Variants in TMEM132C observed in about 807,000 individuals in gnomAD.
TMEM132C encodes the protein protein phosphatase 1, regulatory subunit 152.
A neutral mutation model predicts 61.4 loss-of-function variants in TMEM132C; 29 were observed. That is an observed-to-expected ratio of 0.47 (90% CI 0.35 to 0.64). TMEM132C has a LOEUF of 0.64. TMEM132C is among the 30% of genes least tolerant of loss of function. The pLI is 0.00. For synonymous variants in TMEM132C, 656 were observed against 633.1 expected (o/e 1.04, Z -0.54); for missense variants, 1,408 against 1,476.9 (o/e 0.95, Z 0.76).
Position 128,518,969 on chromosome 12 carries a change from A to G in TMEM132C, c.975-24988A>G, listed in dbSNP as rs181393516. On this transcript the variant is annotated intron_variant, in intron 2 of 8. Transcript: ENST00000435159. ...TGTTAAATGTGTATTAAATGTGTCA[A>G]TATATTTACAGAACTTAGAAGGGTA... Among the ~76,000 whole-genome samples the G allele has an allele frequency of 5.0e-3, 769 of 152,326 alleles. 6 individuals carry two copies. The highest frequency in any genetic ancestry group is 0.018 in the African/African-American group (746 of 41,556).
intron 1 of TMEM132C, among the ~76,000 whole-genome samples, chr12:128,293,140 A>G (rs915533382): frequency 2.0e-5 from 3 of 152,148 alleles, no homozygotes; most frequent in Admixed American, 2.0e-4. Flanking sequence ...CAGTGAGGAC[A>G]GAGGATCCTC....
At position 128,415,483 on chromosome 12, in the gene TMEM132C, C is replaced by A; in HGVS notation, c.837C>A (p.Asp279Glu). The A allele has an allele frequency of 1.3e-6, 2 of 1,551,616 alleles. No homozygotes were observed. The highest frequency in any genetic ancestry group is 1.7e-6 in the Non-Finnish European group (2 of 1,146,994). The change falls in exon 2 of 9, where the codon GAC becomes GAA. Residue 279 changes from aspartate to glutamate, a missense_variant. Transcript: ENST00000435159. This position sits in a 1 kb window ranked among gnomAD's most constrained non-coding sequence, Gnocchi z 5.8. ...IGTVGLYRAQ[D>E]SAQLSELRLD... ...CCGTCGGCCTTTACCGGGCCCAGGACAGCGCCCAGCTCAGCGAGCTGCGTT... is the reference window on the plus strand; with the variant it reads ...CCGTCGGCCTTTACCGGGCCCAGGAAAGCGCCCAGCTCAGCGAGCTGCGTT...
In TMEM132C at chr12:128,705,157, C is replaced by G. The variant is rs12426596; in HGVS notation, c.2189C>G (p.Thr730Ser). 44,337 of 1,551,534 alleles carry G rather than the reference C, an allele frequency of 0.029. 1,217 individuals carry two copies. The highest frequency in any genetic ancestry group is 0.1 in the South Asian group (8,594 of 84,034). The change falls in exon 9 of 9, where the codon ACC becomes AGC. Residue 730 changes from threonine (T) to serine (S), a missense_variant. Transcript: ENST00000435159. ...GSVTPLDIYD[T>S]KDFSLAATSQ... is the part of the protein sequence containing the mutation. ...GTGACGCCCCTGGACATCTACGACA[C>G]CAAGGACTTCTCCCTGGCAGCCACC...
At chr12:128,594,907 A>G (rs1875892378) in intron 3 of TMEM132C, among the ~76,000 whole-genome samples, 1 of 152,228 alleles carries the variant, frequency 6.6e-6, no homozygotes, top group African/African-American at 2.4e-5. Context: ...TTGCTTCAGT[A>G]GAACAGCTAC....
intron 4 of TMEM132C, among the ~76,000 whole-genome samples, chr12:128,663,652 G>A (rs906069527): frequency 6.6e-6 from 1 of 152,168 alleles, no homozygotes; most frequent in Non-Finnish European, 1.5e-5. Flanking sequence ...ATTTACTTCT[G>A]GAATGACTTC....
chr12:128,515,888 C>T (rs868438189), intron 2 of TMEM132C, among the ~76,000 whole-genome samples: 1 of 151,634 alleles, frequency 6.6e-6, no homozygotes, highest in East Asian at 1.9e-4. Flanking sequence ...TACAGCCCAA[C>T]GTGTGTGTTA....
Position 128,478,791 on chromosome 12 carries a change from T to C in TMEM132C, c.974+63171T>C, listed in dbSNP as rs139206344. Among the ~76,000 whole-genome samples the C allele has an allele frequency of 3.6e-3, 544 of 152,322 alleles. 2 individuals are homozygous for C. The highest frequency in any genetic ancestry group is 0.013 in the African/African-American group (523 of 41,568). On this transcript the variant is annotated intron_variant, in intron 2 of 8. Coordinates refer to ENST00000435159, the MANE Select transcript of TMEM132C (RefSeq NM_001136103.3). ...TCAGACGCATCTGCTCATTTAATCCTGTCTATCCAGCACTCAACGACTTAT... is the reference window on the plus strand; with the variant it reads ...TCAGACGCATCTGCTCATTTAATCCCGTCTATCCAGCACTCAACGACTTAT...
At chr12:128,642,000 G>C (rs1233269819) in intron 4 of TMEM132C, among the ~76,000 whole-genome samples, 1 of 150,190 alleles carries the variant, frequency 6.7e-6, no homozygotes, top group Non-Finnish European at 1.5e-5. Context: ...GTAGAGATGG[G>C]GTTTCACCAT....
chr12:128,486,806 A>G (rs566739114), intron 2 of TMEM132C, among the ~76,000 whole-genome samples: 2 of 151,762 alleles, frequency 1.3e-5, no homozygotes, highest in Non-Finnish European at 2.9e-5. Context: ...GAGAATTTGC[A>G]ACAGCTGCGG....
At chr12:128,594,458 C>CATAT (rs1412498792) in intron 3 of TMEM132C, among the ~76,000 whole-genome samples, 1 of 150,288 alleles carries the variant, frequency 6.7e-6, no homozygotes, top group Non-Finnish European at 1.5e-5. Flanking sequence ...AACTGCCTTG[C>CATAT]ATATTGCAGG....
At chr12:128,606,684 C>T (rs1876439011) in intron 3 of TMEM132C, among the ~76,000 whole-genome samples, 1 of 152,164 alleles carries the variant, frequency 6.6e-6, no homozygotes, top group South Asian at 2.1e-4. Flanking sequence ...AGTGCAATCA[C>T]TTGCTTTCTA....
intron 2 of TMEM132C, among the ~76,000 whole-genome samples, chr12:128,433,864 A>G (rs1333636587): frequency 1.3e-5 from 2 of 152,250 alleles, no homozygotes; most frequent in Admixed American, 1.3e-4. Flanking sequence ...TAGCCCCCAC[A>G]CAATCCCCTA....
chr12:128,363,642 C>T (rs946429258), intron 1 of TMEM132C, among the ~76,000 whole-genome samples: 15 of 152,042 alleles, frequency 9.9e-5, no homozygotes, highest in Admixed American at 4.6e-4. Context: ...GTCAAGAGTT[C>T]GAGACCAGGC....
intron 2 of TMEM132C, among the ~76,000 whole-genome samples, chr12:128,513,706 G>A (rs1330976056): frequency 6.6e-6 from 1 of 152,166 alleles, no homozygotes; most frequent in Non-Finnish European, 1.5e-5. Context: ...TGAGATGTAG[G>A]CACTAGAGAG....
intron 2 of TMEM132C, among the ~76,000 whole-genome samples, chr12:128,427,414 G>A (rs1186801752): frequency 1.1e-5 from 1 of 87,176 alleles, no homozygotes; most frequent in Non-Finnish European, 2.9e-5. Flanking sequence ...GTGTGTGTGT[G>A]TGTGTGTGTG....
intron 5 of TMEM132C, among the ~76,000 whole-genome samples, chr12:128,671,585 T>C (rs1954532793): frequency 6.6e-6 from 1 of 152,148 alleles, no homozygotes; most frequent in Non-Finnish European, 1.5e-5. Context: ...AAGAGAAGTT[T>C]ACAAACTGTT....
In TMEM132C at chr12:128,623,768, A is replaced by G. The variant is rs144666405; in HGVS notation, c.1305+7433A>G. The stretch of plus-strand genomic sequence containing the variant: ...GGTTGCAGTGAGCTGAGATTGCCAC[A>G]CTGCACTCCAGCCTTGGCGACAGAG... On this transcript the variant is annotated intron_variant, in intron 4 of 8. Coordinates refer to ENST00000435159, the MANE Select transcript of TMEM132C (RefSeq NM_001136103.3). 3.9e-3 allele frequency among the ~76,000 whole-genome samples: 576 copies of G among 146,386 alleles called. 8 individuals carry two copies. The highest frequency in any genetic ancestry group is 0.015 in the African/African-American group (550 of 35,994).
In TMEM132C at chr12:128,294,443, G is replaced by T. The variant is rs138348550; in HGVS notation, c.85+26956G>T. ...TCCTCTCCCTCTCTAATTCTGGAAA[G>T]AGTAGAAAATGCAAGCCATTGGAGA... On this transcript the variant is annotated intron_variant, in intron 1 of 8. Transcript: ENST00000435159. Among the ~76,000 whole-genome samples, 385 of 152,290 alleles carry T rather than the reference G, an allele frequency of 2.5e-3. 3 individuals carry two copies. The highest frequency in any genetic ancestry group is 8.4e-3 in the African/African-American group (349 of 41,570).
Position 128,278,745 on chromosome 12 carries a change from C to CGTGTGTGTGTGTGTGT in TMEM132C, c.85+11262_85+11263insGTGTGTGTGTGTGTGT, listed in dbSNP as rs201012004. Among the ~76,000 whole-genome samples, 5 of 135,580 alleles carry CGTGTGTGTGTGTGTGT rather than the reference C, an allele frequency of 3.7e-5. No individual in the cohort carries two copies. Among genetic ancestry groups the CGTGTGTGTGTGTGTGT allele is most frequent in the Non-Finnish European group, 3.1e-5 (2 of 64,214 alleles). 88.9% of individuals were successfully genotyped at this position (135,580 alleles called of 152,430 possible). On this transcript the variant is annotated intron_variant, in intron 1 of 8. Transcript: ENST00000435159. The surrounding 1 kb of genome is among the most constrained non-coding windows in gnomAD (Gnocchi z 4.2). ...ATATTTGTGCAGACTTGATTCTATA[C>CGTGTGTGTGTGTGTGT]GTGTATGTGTGTGTGTGTGTGTGTG... is the stretch of plus-strand genomic sequence containing the variant.
Sources: allele counts gnomAD v4.1 joint callset (sites outside exome capture counted in the v4.1 genomes callset), GRCh38; gene constraint gnomAD v4.1.1; non-coding constraint Gnocchi (gnomAD v3.1); transcripts MANE v1.5; gene names NCBI Gene and HGNC (gene_info 2026-07-23, HGNC 2026-07-21).